LRRC4C: variants seen among roughly 807,000 people sequenced by gnomAD.
LRRC4C encodes leucine rich repeat containing 4C.
LRRC4C carries 5 observed loss-of-function variants against 33.6 expected under a neutral mutation model. The ratio of observed to expected loss-of-function variants is 0.15; its 90% CI spans 0.08 to 0.31. LRRC4C has a LOEUF of 0.31. Ranked by LOEUF, LRRC4C falls within the 10% of genes least tolerant of loss-of-function variation. LRRC4C has a pLI of 1.00. For synonymous variants in LRRC4C, 329 were observed against 302.0 expected, an observed-to-expected ratio of 1.09 and a Z score of -0.93; for missense variants, 560 against 796.7, an observed-to-expected ratio of 0.70 and a Z score of 3.58.
At chr11:41,283,678 G>T (rs145476134) in intron 1 of LRRC4C, among the ~76,000 whole-genome samples, 235 of 152,256 alleles carry the variant, frequency 1.5e-3, no homozygotes, top group African/African-American at 5.5e-3. Context: ...TGCAGTAGTT[G>T]TGCCAGAGAC....
intron 1 of LRRC4C, among the ~76,000 whole-genome samples, chr11:41,078,675 A>G (rs907667863): frequency 1.3e-5 from 2 of 152,056 alleles, no homozygotes; most frequent in African/African-American, 4.8e-5. Flanking sequence ...ATCACCTCCC[A>G]CCAGGCACCT....
chr11:41,088,298 C>G (rs1314781731), intron 1 of LRRC4C, among the ~76,000 whole-genome samples: 1 of 152,092 alleles, frequency 6.6e-6, no homozygotes, highest in African/African-American at 2.4e-5. Context: ...GCTTCTTCAT[C>G]TCAAAAACAG....
intron 3 of LRRC4C, among the ~76,000 whole-genome samples, chr11:40,479,434 G>A (rs1488356168): frequency 2.0e-5 from 3 of 152,108 alleles, no homozygotes; most frequent in African/African-American, 4.8e-5. Context: ...GAGTGCCAAT[G>A]TTAGAGTAAA....
At chr11:40,293,623 AAAAG>A (rs1470337937) in intron 4 of LRRC4C, 1 of 152,346 alleles carries the variant, frequency 6.6e-6, no homozygotes, top group Non-Finnish European at 1.5e-5. Context: ...GAAAAAAAGA[AAAAG>A]AAGAAAAAAA....
chr11:40,412,370 G>A (rs1358267917), intron 3 of LRRC4C, among the ~76,000 whole-genome samples: 1 of 152,000 alleles, frequency 6.6e-6, no homozygotes, highest in Non-Finnish European at 1.5e-5. Flanking sequence ...CTCCCTTAGT[G>A]AGTTTGCTTC....
chr11:41,260,145 G>A (rs11036325), intron 1 of LRRC4C, among the ~76,000 whole-genome samples: 20,016 of 151,868 alleles, frequency 0.13, 1,459 homozygotes, highest in Middle Eastern at 0.25. Context: ...GTAGTCTGTC[G>A]TCTGTCATTA....
chr11:40,403,723 C>A (rs963745845), intron 3 of LRRC4C, among the ~76,000 whole-genome samples: 1 of 151,986 alleles, frequency 6.6e-6, no homozygotes, highest in Non-Finnish European at 1.5e-5. Flanking sequence ...TTTATACCAC[C>A]AGAAACAAAA....
At chr11:41,388,943 T>A (rs546272199) in intron 1 of LRRC4C, among the ~76,000 whole-genome samples, 1 of 151,994 alleles carries the variant, frequency 6.6e-6, no homozygotes, top group Admixed American at 6.6e-5. Flanking sequence ...AGTTTAGATC[T>A]AAATATAAGG....
chr11:40,692,588 T>G (rs1329122044), intron 2 of LRRC4C, among the ~76,000 whole-genome samples: 1 of 152,082 alleles, frequency 6.6e-6, no homozygotes, highest in African/African-American at 2.4e-5. Context: ...CCTTTTTTTT[T>G]GCTAACCAAT....
At chr11:40,519,239 T>TA (rs1343854183) in intron 3 of LRRC4C, among the ~76,000 whole-genome samples, 3 of 151,998 alleles carry the variant, frequency 2.0e-5, no homozygotes, top group Admixed American at 6.6e-5. Flanking sequence ...TAAAGTATAA[T>TA]AAAAAAATCA....
At chr11:40,616,365 A>T (rs950948439) in intron 3 of LRRC4C, among the ~76,000 whole-genome samples, 1 of 152,008 alleles carries the variant, frequency 6.6e-6, no homozygotes, top group African/African-American at 2.4e-5. Context: ...TCCCTCAGGG[A>T]TCTAGAACTA....
intron 1 of LRRC4C, among the ~76,000 whole-genome samples, chr11:41,331,084 GT>G (rs1951279862): frequency 6.6e-6 from 1 of 152,094 alleles, no homozygotes; most frequent in Admixed American, 6.6e-5. Flanking sequence ...TAAGCAGAGG[GT>G]CCAACATAGT....
intron 2 of LRRC4C, among the ~76,000 whole-genome samples, chr11:40,879,358 A>C (rs930574033): frequency 1.3e-5 from 2 of 152,318 alleles, no homozygotes; most frequent in South Asian, 2.1e-4. Context: ...ACTGTGTCAG[A>C]GCAGTTGTCA....
Position 40,257,167 on chromosome 11 carries a change from T to C in LRRC4C, c.-175-15569A>G, listed in dbSNP as rs142535934. On this transcript the variant is annotated intron_variant, in intron 4 of 6. Transcript: ENST00000528697. ...CAATTATAATCAGTTTCTGACAATA[T>C]GATGCTAATGCTTGGCCCAGTAATG... Among the ~76,000 whole-genome samples the C allele has an allele frequency of 1.4e-3, 217 of 152,308 alleles. 2 individuals carry two copies. Among genetic ancestry groups the C allele is most frequent in the African/African-American group, 5.0e-3 (208 of 41,572 alleles).
intron 2 of LRRC4C, among the ~76,000 whole-genome samples, chr11:40,801,926 T>C (rs1021293100): frequency 2.0e-5 from 3 of 152,210 alleles, no homozygotes; most frequent in African/African-American, 7.2e-5. Context: ...AATTAAAATA[T>C]GTCACTCCTT....
chr11:40,871,386 G>A (rs544579693), intron 2 of LRRC4C, among the ~76,000 whole-genome samples: 10 of 151,882 alleles, frequency 6.6e-5, no homozygotes, highest in South Asian at 2.1e-4. Context: ...AGAACCTGCC[G>A]ACATGTGATG....
At chr11:41,304,656 A>G (rs1294492268) in intron 1 of LRRC4C, among the ~76,000 whole-genome samples, 22 of 82,882 alleles carry the variant, frequency 2.7e-4, no homozygotes, top group South Asian at 9.9e-4. Context: ...CAGCCGCCCC[A>G]TCCGGGAGGG....
At chr11:40,728,373 A>G (rs1348666551) in intron 2 of LRRC4C, among the ~76,000 whole-genome samples, 1 of 151,998 alleles carries the variant, frequency 6.6e-6, no homozygotes, top group African/African-American at 2.4e-5. Context: ...TGGGAGGCCG[A>G]GGCGGACGGA....
At chr11:41,418,266 G>T (rs912638965) in intron 1 of LRRC4C, among the ~76,000 whole-genome samples, 1 of 151,920 alleles carries the variant, frequency 6.6e-6, no homozygotes, top group Non-Finnish European at 1.5e-5. Flanking sequence ...ATATTCCACT[G>T]TTTCCAGTCA....
Sources: gnomAD v4.1 joint callset for allele counts (sites outside exome capture counted in the v4.1 genomes callset) on GRCh38, gnomAD v4.1.1 for gene constraint, MANE v1.5 for transcripts, NCBI Gene and HGNC (gene_info 2026-07-23, HGNC 2026-07-21) for gene names.